AGAP1: variants seen among roughly 807,000 people sequenced by gnomAD.
The protein encoded by AGAP1 is ArfGAP with GTPase domain, ankyrin repeat and PH domain 1.
A neutral mutation model predicts 105.3 loss-of-function variants in AGAP1; 29 were observed. The ratio of observed to expected loss-of-function variants is 0.28; its 90% CI spans 0.21 to 0.38. The LOEUF is 0.38. AGAP1 is among the 10% of genes least tolerant of loss of function. AGAP1 has a pLI of 1.00. For missense variants in AGAP1, 998 were observed against 1,165.1 expected (o/e 0.86, Z 2.09); for synonymous variants, 509 against 485.9 (o/e 1.05, Z -0.63).
chr2:235,524,920 A>G (rs914988001), intron 1 of AGAP1, among the ~76,000 whole-genome samples: 1 of 152,242 alleles, frequency 6.6e-6, no homozygotes, highest in Non-Finnish European at 1.5e-5. Flanking sequence ...TGCAGATTCT[A>G]GGTAAAATGT....
chr2:235,565,142 C>G (rs1164358955), intron 1 of AGAP1, among the ~76,000 whole-genome samples: 1 of 151,350 alleles, frequency 6.6e-6, no homozygotes, highest in Non-Finnish European at 1.5e-5. Flanking sequence ...GACCAGCACT[C>G]ACAGCCAGGT....
At chr2:235,564,076 A>G (rs548589705) in intron 1 of AGAP1, among the ~76,000 whole-genome samples, 14 of 152,316 alleles carry the variant, frequency 9.2e-5, no homozygotes, top group South Asian at 2.1e-4. Context: ...GGACCAGTCA[A>G]TAGGTCTTCC....
chr2:236,115,907 C>T (rs918517989), intron 16 of AGAP1, among the ~76,000 whole-genome samples: 4 of 149,050 alleles, frequency 2.7e-5, no homozygotes, highest in Non-Finnish European at 3.0e-5. Flanking sequence ...TGGATCCAAG[C>T]GATTCTCCTG....
At chr2:235,667,929 G>A (rs1575074162) in intron 1 of AGAP1, among the ~76,000 whole-genome samples, 1 of 131,396 alleles carries the variant, frequency 7.6e-6, no homozygotes, top group Non-Finnish European at 1.5e-5. Flanking sequence ...TTGAGCTCCC[G>A]ACTGGGCAAG....
chr2:235,686,638 TA>T lies in AGAP1; in HGVS notation c.164-22540del, dbSNP rs1559350738. On this transcript the variant is annotated intron_variant, in intron 1 of 17. Transcript: ENST00000304032. The stretch of plus-strand genomic sequence containing the variant: ...AGATATAGATATATATATATATATA[TA>T]TATATAGATATATATATATATATAT... 8.7e-3 allele frequency among the ~76,000 whole-genome samples: 432 copies of T among 49,378 alleles called. 20 individuals are homozygous for T. Among genetic ancestry groups the T allele is most frequent in the African/African-American group, 0.039 (392 of 10,120 alleles). The allele number at this position is 49,378 out of a possible 152,430, so 32.4% of individuals were successfully genotyped here.
intron 1 of AGAP1, among the ~76,000 whole-genome samples, chr2:235,651,283 A>G (rs1212662664): frequency 6.6e-6 from 1 of 151,124 alleles, no homozygotes; most frequent in East Asian, 2.0e-4. Context: ...GAACGACTCA[A>G]TGGATGATGA....
Position 235,535,088 on chromosome 2 carries a change from TC to T in AGAP1, c.163+40244del, listed in dbSNP as rs1434192569. The stretch of plus-strand genomic sequence containing the variant: ...TGTCTGCAGATGTAAAACGACCTGC[TC>T]CCCCAGGTGAATGGATTCTCGCCAG... On this transcript the variant is annotated intron_variant, in intron 1 of 17. Transcript: ENST00000304032. This position sits in a 1 kb window ranked among gnomAD's most constrained non-coding sequence, Gnocchi z 5.1. Among the ~76,000 whole-genome samples, 5 of 151,936 alleles carry T rather than the reference TC, an allele frequency of 3.3e-5. No individual in the cohort carries two copies. Among genetic ancestry groups the T allele is most frequent in the African/African-American group, 1.2e-4 (5 of 41,364 alleles).
Position 235,901,059 on chromosome 2 carries a change from T to C in AGAP1, c.1156-7679T>C, listed in dbSNP as rs1265702600. Among the ~76,000 whole-genome samples the C allele has an allele frequency of 6.6e-6, 1 of 152,206 alleles. No individual in the cohort carries two copies. Among genetic ancestry groups the C allele is most frequent in the Admixed American group, 6.5e-5 (1 of 15,278 alleles). ...ATGTGGCCAGAAGATTTTTCATAGT[T>C]TTACAATATTTTCACAGTATTTTTA... On this transcript the variant is annotated intron_variant, in intron 10 of 17. Coordinates refer to ENST00000304032, the MANE Select transcript of AGAP1 (RefSeq NM_001037131.3). This position sits in a 1 kb window ranked among gnomAD's most constrained non-coding sequence, Gnocchi z 4.3.
intron 1 of AGAP1, among the ~76,000 whole-genome samples, chr2:235,672,072 C>T (rs538229018): frequency 1.3e-4 from 20 of 152,218 alleles, no homozygotes; most frequent in Non-Finnish European, 2.1e-4. Flanking sequence ...ATTATTCATC[C>T]TCTTATCTGA....
intron 15 of AGAP1, among the ~76,000 whole-genome samples, chr2:236,041,481 T>G (rs1440706517): frequency 1.3e-5 from 2 of 152,162 alleles, no homozygotes; most frequent in African/African-American, 4.8e-5. Flanking sequence ...GTACCCCAGT[T>G]TTATTTCATG....
chr2:235,625,821 T>C lies in AGAP1; in HGVS notation c.164-83358T>C, dbSNP rs1946619113. Reference sequence around the variant, plus strand: ...TAATTTAGGATGTTGCCCCACACTATTGGGAGGTGTAGATGTTGCTACTGC... The same window carrying C: ...TAATTTAGGATGTTGCCCCACACTACTGGGAGGTGTAGATGTTGCTACTGC... On this transcript the variant is annotated intron_variant, in intron 1 of 17. Coordinates refer to ENST00000304032, the MANE Select transcript of AGAP1 (RefSeq NM_001037131.3). The surrounding 1 kb of genome is among the most constrained non-coding windows in gnomAD (Gnocchi z 4.0). Among the ~76,000 whole-genome samples, 1 of 152,170 alleles carries C rather than the reference T, an allele frequency of 6.6e-6. No individual in the cohort carries two copies. The highest frequency in any genetic ancestry group is 6.5e-5 in the Admixed American group (1 of 15,280).
rs561091479 is a variant in AGAP1 at position 235,723,869 on chromosome 2, G to A, written c.310+6225G>A. Among the ~76,000 whole-genome samples, 1 of 152,258 alleles carries A rather than the reference G, an allele frequency of 6.6e-6. No individual in the cohort carries two copies. The highest frequency in any genetic ancestry group is 6.5e-5 in the Admixed American group (1 of 15,302). Reference sequence around the variant, plus strand: ...AGCTGCAAAATGAAAGTACCGAGAGGAAGGTGGGCCATCTGAGAGCCGCCT... The same window carrying A: ...AGCTGCAAAATGAAAGTACCGAGAGAAAGGTGGGCCATCTGAGAGCCGCCT... On this transcript the variant is annotated intron_variant, in intron 3 of 17. Transcript: ENST00000304032. The surrounding 1 kb of genome is among the most constrained non-coding windows in gnomAD (Gnocchi z 6.2).
intron 1 of AGAP1, among the ~76,000 whole-genome samples, chr2:235,525,048 T>C (rs1221071302): frequency 6.6e-6 from 1 of 152,226 alleles, no homozygotes; most frequent in African/African-American, 2.4e-5. Flanking sequence ...TTTCTTACGG[T>C]TAGTACATGA....
chr2:235,667,673 T>C (rs1482484196), intron 1 of AGAP1, among the ~76,000 whole-genome samples: 1 of 152,076 alleles, frequency 6.6e-6, no homozygotes, highest in African/African-American at 2.4e-5. Context: ...CAAAGAGGGC[T>C]TCTTTAGCCT....
chr2:235,632,970 A>C (rs1406812126), intron 1 of AGAP1, among the ~76,000 whole-genome samples: 1 of 152,110 alleles, frequency 6.6e-6, no homozygotes, highest in East Asian at 1.9e-4. Flanking sequence ...CTAGCCTTGC[A>C]GGAAGGGGTC....
rs975079640 is a variant in AGAP1, at chr2:235,552,615, G to A, written c.163+57766G>A. On this transcript the variant is annotated intron_variant, in intron 1 of 17. Coordinates refer to ENST00000304032, the MANE Select transcript of AGAP1 (RefSeq NM_001037131.3). This position sits in a 1 kb window ranked among gnomAD's most constrained non-coding sequence, Gnocchi z 5.9. The stretch of plus-strand genomic sequence containing the variant: ...ATTGGCCAGGCACTGGGGATGCGGC[G>A]TATGGGCAGGTGCACACACACCTGG... Among the ~76,000 whole-genome samples, 4 of 152,190 alleles carry A rather than the reference G, an allele frequency of 2.6e-5. No homozygotes were observed. The highest frequency in any genetic ancestry group is 1.9e-4 in the East Asian group (1 of 5,186).
In AGAP1 at chr2:235,724,901, G is replaced by A. The variant is rs1054194200; in HGVS notation, c.310+7257G>A. Among the ~76,000 whole-genome samples, 4 of 152,168 alleles carry A rather than the reference G, an allele frequency of 2.6e-5. No individual in the cohort carries two copies. The highest frequency in any genetic ancestry group is 9.7e-5 in the African/African-American group (4 of 41,434). ...TACATCTCTCCAAGAGAAGCCTTTC[G>A]CTTGTCTGTTTGGTTTATTTGGTTC... On this transcript the variant is annotated intron_variant, in intron 3 of 17. Coordinates refer to ENST00000304032, the MANE Select transcript of AGAP1 (RefSeq NM_001037131.3). This position sits in a 1 kb window ranked among gnomAD's most constrained non-coding sequence, Gnocchi z 4.9.
chr2:235,521,087 C>T (rs916736090), intron 1 of AGAP1, among the ~76,000 whole-genome samples: 13 of 152,308 alleles, frequency 8.5e-5, no homozygotes, highest in African/African-American at 3.1e-4. Flanking sequence ...TTGCTTTGGG[C>T]TTCCCCATAC....
intron 16 of AGAP1, among the ~76,000 whole-genome samples, chr2:236,057,403 C>T (rs953165612): frequency 6.6e-6 from 1 of 152,226 alleles, no homozygotes; most frequent in Admixed American, 6.5e-5. Context: ...GCCACTGTGC[C>T]TGGCCAAAAC....
Sources: gnomAD v4.1 joint callset for allele counts (sites outside exome capture counted in the v4.1 genomes callset) on GRCh38, gnomAD v4.1.1 for gene constraint, Gnocchi (gnomAD v3.1) non-coding constraint, MANE v1.5 for transcripts, NCBI Gene and HGNC (gene_info 2026-07-23, HGNC 2026-07-21) for gene names.